The following CCDC192 variants were observed in gnomAD, a reference collection of about 807,000 sequenced individuals.
CCDC192 encodes the protein coiled-coil domain containing 192, also known as coiled-coil domain-containing protein 192.
intron 3 of CCDC192, among the ~76,000 whole-genome samples, chr5:127,763,288 G>A (rs1755030961): frequency 6.6e-6 from 1 of 152,148 alleles, no homozygotes; most frequent in Admixed American, 6.5e-5. Context: ...CTAGGCCAGT[G>A]ATCAGTGCCA....
intron 2 of CCDC192, among the ~76,000 whole-genome samples, chr5:127,724,797 C>A (rs1022184777): frequency 6.9e-6 from 1 of 145,000 alleles, no homozygotes; most frequent in Middle Eastern, 3.8e-3. Flanking sequence ...TGCAGTGAGC[C>A]GAGATAGTGC....
chr5:127,841,662 G>A (rs1750293876), intron 5 of CCDC192, among the ~76,000 whole-genome samples: 1 of 152,144 alleles, frequency 6.6e-6, no homozygotes, highest in African/African-American at 2.4e-5. Context: ...TCCATGCTGA[G>A]CTGCTTCTTA....
intron 2 of CCDC192, among the ~76,000 whole-genome samples, chr5:127,752,217 C>T (rs1378519840): frequency 2.6e-5 from 4 of 152,210 alleles, no homozygotes; most frequent in East Asian, 1.9e-4. Flanking sequence ...AGTTTTTCTG[C>T]TCTGTTTTTT....
chr5:127,753,666 A>C (rs1754383813), intron 2 of CCDC192, among the ~76,000 whole-genome samples: 1 of 151,350 alleles, frequency 6.6e-6, no homozygotes, highest in African/African-American at 2.4e-5. Context: ...CGGCCTGGGC[A>C]ACAAGAGCAA....
chr5:127,810,682 A>G (rs942461939), intron 5 of CCDC192, among the ~76,000 whole-genome samples: 1 of 152,212 alleles, frequency 6.6e-6, no homozygotes, highest in African/African-American at 2.4e-5. Context: ...TGGTGCAGGA[A>G]GGCATACTAC....
chr5:127,852,740 A>T (rs151881), intron 5 of CCDC192, among the ~76,000 whole-genome samples: 100,204 of 152,024 alleles, frequency 0.66, 33,094 homozygotes, highest in Non-Finnish European at 0.69. Context: ...GGCAACTATC[A>T]TCAGTTACCC....
intron 5 of CCDC192, among the ~76,000 whole-genome samples, chr5:127,803,680 C>T (rs1757628655): frequency 6.6e-6 from 1 of 152,096 alleles, no homozygotes; most frequent in South Asian, 2.1e-4. Context: ...AGATGTCTGC[C>T]TCCCCTCTTT....
At chr5:127,719,536 T>TAC (rs1255061370) in intron 2 of CCDC192, among the ~76,000 whole-genome samples, 331 of 29,628 alleles carry the variant, frequency 0.011, 10 homozygotes, top group African/African-American at 0.035. Flanking sequence ...CACACATACA[T>TAC]ATATATATAT....
chr5:127,727,356 C>T (rs1006182468), intron 2 of CCDC192, among the ~76,000 whole-genome samples: 2 of 152,080 alleles, frequency 1.3e-5, no homozygotes, highest in African/African-American at 2.4e-5. Context: ...CCTGCAATCC[C>T]AGCTACTCAG....
chr5:127,771,031 A>G (rs1387120266), intron 3 of CCDC192, among the ~76,000 whole-genome samples: 2 of 152,130 alleles, frequency 1.3e-5, no homozygotes, highest in Admixed American at 1.3e-4. Flanking sequence ...AGGTTCTTTC[A>G]ATTATATTAT....
intron 5 of CCDC192, among the ~76,000 whole-genome samples, chr5:127,853,816 A>G (rs1323649124): frequency 6.6e-6 from 1 of 152,054 alleles, no homozygotes; most frequent in Non-Finnish European, 1.5e-5. Context: ...CAAAAAAAAC[A>G]TCTGGAGTGA....
chr5:127,747,069 C>CTT (rs34542436), intron 2 of CCDC192, among the ~76,000 whole-genome samples: 17 of 142,674 alleles, frequency 1.2e-4, no homozygotes, highest in African/African-American at 1.5e-4. Context: ...GCAGTTCATT[C>CTT]TTTTTTTTTT....
rs768163629 is a variant in CCDC192, at chr5:127,797,230, A to ACCAGAG, written c.354_354+1insAGCCAG (p.Gln118_Cys119insSerGln). 27 of 397,982 alleles carry ACCAGAG rather than the reference A, an allele frequency of 6.8e-5. No homozygotes were observed. Among genetic ancestry groups the ACCAGAG allele is most frequent in the Non-Finnish European group, 1.2e-4 (27 of 225,414 alleles). The allele number at this position is 397,982 out of a possible 1,614,324, so 24.7% of individuals were successfully genotyped here. A position where few individuals can be genotyped will look rare whatever the true frequency, so the allele number is the denominator to read the frequency against. On this transcript the variant is annotated inframe_insertion, in exon 4 of 7. Coordinates refer to ENST00000514853, the MANE Select transcript of CCDC192 (RefSeq NM_001317938.2). ...TATGAAAAAATGGTTCTTGTGAAAG[A>ACCAGAG]CCAGGTATGTTGTAGAACAAAGTCA...
At chr5:127,708,440 G>C (rs1352604842) in intron 2 of CCDC192, among the ~76,000 whole-genome samples, 1 of 152,156 alleles carries the variant, frequency 6.6e-6, no homozygotes, top group Non-Finnish European at 1.5e-5. Flanking sequence ...TCTTTGAAAA[G>C]AAAAACATTA....
intron 5 of CCDC192, among the ~76,000 whole-genome samples, chr5:127,818,054 T>A (rs774566364): frequency 6.6e-6 from 1 of 152,128 alleles, no homozygotes; most frequent in Non-Finnish European, 1.5e-5. Context: ...CAGAATAAAG[T>A]ATATGAAAAA....
Position 127,927,130 on chromosome 5 carries a change from C to T in CCDC192, c.536-14052C>T, listed in dbSNP as rs890839389. On this transcript the variant is annotated intron_variant, in intron 6 of 6. Transcript: ENST00000514853. ...TACGTTGACATGAGAAAAATACAGCCGTTCCCTTTTATGCATGGTTTTGCT... is the reference window on the plus strand; with the variant it reads ...TACGTTGACATGAGAAAAATACAGCTGTTCCCTTTTATGCATGGTTTTGCT... Among the ~76,000 whole-genome samples the T allele has an allele frequency of 3.3e-5, 5 of 152,014 alleles. No individual in the cohort carries two copies. The East Asian group carries it at 5.8e-4, about 18-fold the overall frequency.
intron 2 of CCDC192, among the ~76,000 whole-genome samples, chr5:127,744,224 A>C (rs1226854259): frequency 6.6e-6 from 1 of 151,904 alleles, no homozygotes; most frequent in Non-Finnish European, 1.5e-5. Context: ...GAGATGAAAT[A>C]AATGTGCCCA....
intron 6 of CCDC192, chr5:127,940,336 A>G (rs1320499751): frequency 1.3e-5 from 2 of 152,188 alleles, no homozygotes; most frequent in African/African-American, 4.8e-5. Context: ...GTTTTCCTGG[A>G]TCACCTCAAA....
Position 127,875,529 on chromosome 5 carries a change from T to G in CCDC192, c.412-9T>G, listed in dbSNP as rs1187429611. On this transcript the variant is annotated splice_polypyrimidine_tract_variant and intron_variant, in intron 5 of 6. Coordinates refer to ENST00000514853, the MANE Select transcript of CCDC192 (RefSeq NM_001317938.2). ...AGTGATGGAAACTCTTATTTTTTTT[T>G]TTTTTAAGAAACTAAAGCATGAAAA... 1.3e-5 allele frequency: 5 copies of G among 398,644 alleles called. No homozygotes were observed. Among genetic ancestry groups the G allele is most frequent in the Non-Finnish European group, 2.2e-5 (5 of 225,922 alleles). 24.7% of individuals were successfully genotyped at this position (398,644 alleles called of 1,614,324 possible). A position where few individuals can be genotyped will look rare whatever the true frequency, so the allele number is the denominator to read the frequency against.
Sources: gnomAD v4.1 joint callset for allele counts (sites outside exome capture counted in the v4.1 genomes callset) on GRCh38, gnomAD v4.1.1 for gene constraint, MANE v1.5 for transcripts, NCBI Gene and HGNC (gene_info 2026-07-23, HGNC 2026-07-21) for gene names.